GGT5: variants seen among roughly 807,000 people sequenced by gnomAD.
GGT5 encodes glutathione hydrolase 5 proenzyme.
Under a neutral mutation model 58.1 loss-of-function variants are expected in GGT5, and 50 were observed. That is an observed-to-expected ratio of 0.86 (90% CI 0.69 to 1.09). GGT5 has a LOEUF of 1.09. Ranked by LOEUF, GGT5 falls within the 50% of genes least tolerant of loss-of-function variation. The pLI, the probability that GGT5 is intolerant of heterozygous loss-of-function variation, is 0.00. For missense variants in GGT5, 800 were observed against 789.4 expected (o/e 1.01, Z -0.16); for synonymous variants, 370 against 346.1 (o/e 1.07, Z -0.77).
intron 6 of GGT5, 95 bp downstream of exon 6, chr22:24,231,289 G>T: frequency 1.3e-6 from 1 of 787,738 alleles, no homozygotes. Context: ...AGGCTGAGCT[G>T]GGCCTTGGCT....
intron 1 of GGT5, among the ~76,000 whole-genome samples, chr22:24,237,007 C>CTTTTTTTTTTTTTTTTTTTTTTT (rs35060391): frequency 7.6e-6 from 1 of 131,114 alleles, no homozygotes; most frequent in Non-Finnish European, 1.6e-5. Context: ...TCTTTTCTCT[C>CTTTTTTTTTTTTTTTTTTTTTTT]TTTTTTTTTT....
Position 24,237,160 on chromosome 22 carries a change from T to C in GGT5, c.174-3156A>G, listed in dbSNP as rs541481131. On this transcript the variant is annotated intron_variant, in intron 1 of 11. Transcript: ENST00000327365. ...AAGCAATCCTCCTGCCTCAGTCTCC[T>C]GAGTAGCTGGGACTATAGGCGTGAG... Among the ~76,000 whole-genome samples, 292 of 152,194 alleles carry C rather than the reference T, an allele frequency of 1.9e-3. 1 individual carries two copies. Among genetic ancestry groups the C allele is most frequent in the African/African-American group, 6.2e-3 (256 of 41,538 alleles).
intron 1 of GGT5, among the ~76,000 whole-genome samples, chr22:24,237,858 G>A (rs907157977): frequency 1.3e-5 from 2 of 152,102 alleles, no homozygotes; most frequent in Non-Finnish European, 2.9e-5. Context: ...GGCAGACCAT[G>A]TACTTTAAAA....
intron 11 of GGT5, among the ~76,000 whole-genome samples, chr22:24,222,841 G>T (rs1182257067): frequency 1.3e-5 from 2 of 152,182 alleles, no homozygotes; most frequent in East Asian, 3.9e-4. Flanking sequence ...ACTTTGGGAG[G>T]CCAAGGCGGG....
At chr22:24,239,782 T>C (rs2048279473) in intron 1 of GGT5, among the ~76,000 whole-genome samples, 1 of 152,002 alleles carries the variant, frequency 6.6e-6, no homozygotes, top group East Asian at 1.9e-4. Flanking sequence ...AGGAAGAGGA[T>C]AGAAGTACTA....
Position 24,219,962 on chromosome 22 carries a change from G to C in GGT5, c.*8C>G. On this transcript the variant is annotated 3_prime_UTR_variant, in exon 12 of 12. Coordinates refer to ENST00000327365, the MANE Select transcript of GGT5 (RefSeq NM_004121.5). ...GGGCCAGACTTCAGCTCTGGGCAGA[G>C]CAGTGTCTTAGTAGCCTGCGGCCTC... 1 of 1,613,800 alleles carries C rather than the reference G, an allele frequency of 6.2e-7. No individual in the cohort carries two copies. Among genetic ancestry groups the C allele is most frequent in the Non-Finnish European group, 8.5e-7 (1 of 1,179,756 alleles).
chr22:24,229,414 A>G (rs1039215116), intron 6 of GGT5, among the ~76,000 whole-genome samples: 3 of 151,286 alleles, frequency 2.0e-5, no homozygotes, highest in African/African-American at 7.3e-5. Context: ...TCAGAGGAAA[A>G]GAAAAATGCT....
intron 1 of GGT5, among the ~76,000 whole-genome samples, chr22:24,235,459 G>A (rs1049417347): frequency 6.6e-6 from 1 of 151,964 alleles, no homozygotes; most frequent in Non-Finnish European, 1.5e-5. Context: ...TCTGGCCCTA[G>A]CACCCTCCTT....
intron 1 of GGT5, among the ~76,000 whole-genome samples, chr22:24,235,030 C>T (rs2048055897): frequency 6.6e-6 from 1 of 150,930 alleles, no homozygotes; most frequent in African/African-American, 2.4e-5. Context: ...TCCTTCCTCC[C>T]CAGCACCTCA....
At chr22:24,223,286 C>A (rs1323346967) in intron 11 of GGT5, among the ~76,000 whole-genome samples, 2 of 151,774 alleles carry the variant, frequency 1.3e-5, no homozygotes, top group Admixed American at 6.6e-5. Context: ...TGTGTAGTCC[C>A]AGCTACTCAG....
chr22:24,225,442 A>G (rs2047723492), intron 9 of GGT5, 31 bp from the exon 10 acceptor site: 3 of 1,608,092 alleles, frequency 1.9e-6, no homozygotes, highest in Non-Finnish European at 2.6e-6. Flanking sequence ...TGGCAAGTGC[A>G]GTGACCCATC....
chr22:24,233,743 C>A (rs2048019385), intron 2 of GGT5, 131 bp downstream of exon 2: 4 of 967,522 alleles, frequency 4.1e-6, no homozygotes, highest in Non-Finnish European at 4.8e-6. Context: ...ACAGCTGAGG[C>A]AAATGGGGCA....
intron 11 of GGT5, among the ~76,000 whole-genome samples, chr22:24,221,443 C>T (rs1361661013): frequency 6.6e-6 from 1 of 152,140 alleles, no homozygotes; most frequent in Admixed American, 6.5e-5. Flanking sequence ...TTGTGGCCCC[C>T]ACCCAGGAAC....
chr22:24,231,336 G>C lies in GGT5; in HGVS notation c.901+48C>G. The C allele has an allele frequency of 7.2e-6, 10 of 1,379,860 alleles. No individual in the cohort carries two copies. The South Asian group carries it at 8.8e-5, about 12-fold the overall frequency. 85.5% of individuals were successfully genotyped at this position (1,379,860 alleles called of 1,614,324 possible). A position where few individuals can be genotyped will look rare whatever the true frequency, so the allele number is the denominator to read the frequency against. ...TGGAGTCTGAGTTCCCGGGGGCCGG[G>C]GGTGCGGGGGAGGGGGTGGGCGCCA... On this transcript the variant is annotated intron_variant, in intron 6 of 11. Coordinates refer to ENST00000327365, the MANE Select transcript of GGT5 (RefSeq NM_004121.5).
chr22:24,224,058 C>T (rs1238399031), intron 11 of GGT5, among the ~76,000 whole-genome samples: 2 of 151,780 alleles, frequency 1.3e-5, no homozygotes, highest in Admixed American at 6.6e-5. Context: ...CCACCATGCC[C>T]GGCCACTATC....
chr22:24,225,013 C>G lies in GGT5; in HGVS notation c.1597G>C (p.Glu533Gln). 6.3e-7 allele frequency: 1 copy of G among 1,592,944 alleles called. No individual in the cohort carries two copies. The highest frequency in any genetic ancestry group is 2.3e-5 in the East Asian group (1 of 43,682). ...HVNSKGCVEY[E>Q]PNFSQEVQRG... ...AGCCTCACCTGGCTGAAGTTGGGCT[C>G]GTACTCCACACAGCCCTTGCTGTTG... Residue 533 changes from glutamate (E) to glutamine (Q), a missense_variant, in exon 11 of 12, where the codon GAG becomes CAG. Glu to Gln is a conservative substitution (Grantham distance 29, BLOSUM62 2). Transcript: ENST00000327365.
intron 11 of GGT5, among the ~76,000 whole-genome samples, chr22:24,222,881 T>C (rs192679946): frequency 7.7e-4 from 115 of 149,756 alleles, no homozygotes; most frequent in Non-Finnish European, 1.3e-3. Context: ...ATCGAGACCA[T>C]CCTGGCTAAC....
At position 24,225,427 on chromosome 22, in the gene GGT5, C is replaced by T. The variant is rs746133651; in HGVS notation, c.1337-16G>A. 52 of 1,604,604 alleles carry T rather than the reference C, an allele frequency of 3.2e-5. No individual in the cohort carries two copies. Among genetic ancestry groups the T allele is most frequent in the Non-Finnish European group, 4.2e-5 (49 of 1,174,070 alleles). ...TCTCCACTCACTGCTGAGCAAACAG[C>T]GTCTTGGCAAGTGCAGTGACCCATC... On this transcript the variant is annotated splice_polypyrimidine_tract_variant and intron_variant, in intron 9 of 11. Coordinates refer to ENST00000327365, the MANE Select transcript of GGT5 (RefSeq NM_004121.5).
rs527766725 is a variant in GGT5, at chr22:24,233,060, C to T, written c.401-42G>A. 1.7e-5 allele frequency: 24 copies of T among 1,396,254 alleles called. No homozygotes were observed. The African/African-American group carries it at 2.6e-4, about 15-fold the overall frequency. The allele number at this position is 1,396,254 out of a possible 1,614,324, so 86.5% of individuals were successfully genotyped here. ...AGCTCTCAACCCTGTGGCTTCCAGG[C>T]CTTCCCAGGTTTGCCATCACCCCTA... On this transcript the variant is annotated intron_variant, in intron 3 of 11. Coordinates refer to ENST00000327365, the MANE Select transcript of GGT5 (RefSeq NM_004121.5).
Sources: gnomAD v4.1 joint callset for allele counts (sites outside exome capture counted in the v4.1 genomes callset) on GRCh38, gnomAD v4.1.1 for gene constraint, MANE v1.5 for transcripts, NCBI Gene and HGNC (gene_info 2026-07-23, HGNC 2026-07-21) for gene names.